The following ARIH1 variants were observed in gnomAD, a reference collection of about 807,000 sequenced individuals.
ARIH1 encodes the protein E3 ubiquitin-protein ligase ARIH1.
In ARIH1, 8 loss-of-function variants were observed where a neutral mutation model predicts 85.0. The observed-to-expected ratio is 0.09, with a 90% CI of 0.06 to 0.17. The LOEUF is 0.17. Ranked by LOEUF, ARIH1 falls within the 10% of genes least tolerant of loss-of-function variation. The pLI, the probability that ARIH1 is intolerant of heterozygous loss-of-function variation, is 1.00. For missense variants in ARIH1, 311 were observed against 718.1 expected (o/e 0.43, Z 6.48); for synonymous variants, 238 against 253.6 (o/e 0.94, Z 0.59).
Position 72,518,108 on chromosome 15 carries a change from T to C in ARIH1, c.417T>C (p.Asn139=), listed in dbSNP as rs1231043724. The C allele has an allele frequency of 2.5e-6, 4 of 1,611,510 alleles. No individual in the cohort carries two copies. The highest frequency in any genetic ancestry group is 4.5e-5 in the East Asian group (2 of 44,816). ...CAAGAATACTCCTTAGCCACTTCAA[T>C]TGGGATAAAGAGAAGCTAATGGAAA... ...TITRILLSHF[N]WDKEKLMERY... Residue 139 remains asparagine, a synonymous_variant, in exon 2 of 14, where the codon AAT becomes AAC. Coordinates refer to ENST00000379887, the MANE Select transcript of ARIH1 (RefSeq NM_005744.5).
At chr15:72,562,486 A>G (rs1404844472) in intron 6 of ARIH1, among the ~76,000 whole-genome samples, 4 of 152,188 alleles carry the variant, frequency 2.6e-5, no homozygotes, top group Non-Finnish European at 4.4e-5. Flanking sequence ...GAAATGGTCA[A>G]TGGACTTCTG....
At chr15:72,511,191 T>TA (rs2063949195) in intron 1 of ARIH1, among the ~76,000 whole-genome samples, 1 of 152,230 alleles carries the variant, frequency 6.6e-6, no homozygotes, top group African/African-American at 2.4e-5. Context: ...CTTCACATAT[T>TA]AAATTTATAC....
chr15:72,542,162 A>C (rs1157788455), intron 2 of ARIH1, among the ~76,000 whole-genome samples: 1 of 152,216 alleles, frequency 6.6e-6, no homozygotes. Flanking sequence ...TAAAGGTGAG[A>C]TCTAAATCAT....
At chr15:72,509,803 T>C (rs2063942073) in intron 1 of ARIH1, among the ~76,000 whole-genome samples, 1 of 152,092 alleles carries the variant, frequency 6.6e-6, no homozygotes, top group Non-Finnish European at 1.5e-5. Flanking sequence ...TTGCCCAGGC[T>C]AGTCTGAAAC....
At chr15:72,577,942 A>G (rs918912454) in intron 11 of ARIH1, among the ~76,000 whole-genome samples, 3 of 152,204 alleles carry the variant, frequency 2.0e-5, no homozygotes, top group Non-Finnish European at 4.4e-5. Context: ...CAGTGCTGGT[A>G]TAATAGAAGG....
intron 3 of ARIH1, among the ~76,000 whole-genome samples, chr15:72,548,309 G>C (rs947387109): frequency 4.6e-5 from 7 of 152,272 alleles, no homozygotes; most frequent in South Asian, 4.1e-4. Context: ...CCAAGGAAGA[G>C]AGAATGTACT....
At chr15:72,512,576 T>C (rs2063955371) in intron 1 of ARIH1, among the ~76,000 whole-genome samples, 2 of 151,464 alleles carry the variant, frequency 1.3e-5, no homozygotes, top group Admixed American at 1.3e-4. Flanking sequence ...CCCTTTCTTC[T>C]GCTTGCTTTG....
chr15:72,521,674 G>C (rs376074041), intron 2 of ARIH1, among the ~76,000 whole-genome samples: 3 of 152,032 alleles, frequency 2.0e-5, no homozygotes, highest in East Asian at 3.9e-4. Flanking sequence ...TTAGCCTCCT[G>C]AGTAGCTGGG....
chr15:72,495,196 C>T (rs911501809), intron 1 of ARIH1, among the ~76,000 whole-genome samples: 4 of 152,042 alleles, frequency 2.6e-5, no homozygotes, highest in Non-Finnish European at 4.4e-5. Context: ...GAAAGTAGAT[C>T]AGTGGTTGTC....
At chr15:72,566,729 C>A in intron 8 of ARIH1, 124 bp downstream of exon 8, 2 of 828,590 alleles carry the variant, frequency 2.4e-6, no homozygotes, top group South Asian at 1.7e-5. Context: ...CTTTTAATTT[C>A]AGATGATCAT....
chr15:72,514,536 C>T (rs985893757), intron 1 of ARIH1, among the ~76,000 whole-genome samples: 9 of 150,156 alleles, frequency 6.0e-5, no homozygotes, highest in African/African-American at 2.0e-4. Flanking sequence ...AAAACCCTGT[C>T]GCTACTGAAA....
chr15:72,538,655 T>G (rs1213534381), intron 2 of ARIH1, among the ~76,000 whole-genome samples: 3 of 152,226 alleles, frequency 2.0e-5, no homozygotes, highest in African/African-American at 7.2e-5. Flanking sequence ...AGGCTGTAAC[T>G]TTCCTGCCTT....
intron 5 of ARIH1, among the ~76,000 whole-genome samples, chr15:72,559,125 T>A (rs557623109): frequency 1.3e-5 from 2 of 152,310 alleles, no homozygotes; most frequent in Admixed American, 6.5e-5. Context: ...AACCCATGTA[T>A]ACAAAAATTT....
chr15:72,513,780 T>C (rs1397161925), intron 1 of ARIH1, among the ~76,000 whole-genome samples: 1 of 5,490 alleles, frequency 1.8e-4, no homozygotes, highest in Non-Finnish European at 1.1e-3. Context: ...CCTCCCCCTC[T>C]CCCTCCCTCC....
chr15:72,475,850 GT>G (rs2063792921), intron 1 of ARIH1, among the ~76,000 whole-genome samples: 1 of 152,138 alleles, frequency 6.6e-6, no homozygotes, highest in Non-Finnish European at 1.5e-5. Flanking sequence ...TTTGTGGTAA[GT>G]TAGGCTTGGT....
At chr15:72,558,880 A>AT (rs1323086241) in intron 5 of ARIH1, among the ~76,000 whole-genome samples, 2 of 152,352 alleles carry the variant, frequency 1.3e-5, no homozygotes, top group Admixed American at 1.3e-4. Context: ...AGGGTTTGTC[A>AT]TACCAGAAAA....
intron 1 of ARIH1, among the ~76,000 whole-genome samples, chr15:72,496,102 G>T (rs2063879112): frequency 2.0e-5 from 3 of 151,976 alleles, no homozygotes. Context: ...TGGAGATGGG[G>T]TCTGTTGCCC....
chr15:72,558,021 A>G (rs895913782), intron 5 of ARIH1, among the ~76,000 whole-genome samples: 2 of 152,092 alleles, frequency 1.3e-5, no homozygotes, highest in African/African-American at 4.8e-5. Context: ...TCTTATTTAG[A>G]TACATTTTAT....
chr15:72,576,505 CAAAAAAAAAAAAA>C (rs35725065), intron 11 of ARIH1, among the ~76,000 whole-genome samples: 4 of 63,276 alleles, frequency 6.3e-5, no homozygotes, highest in Non-Finnish European at 1.0e-4. Flanking sequence ...GACTCTGTCT[CAAAAAAAAAAAAA>C]AAAAAAAAAA....
Sources: gnomAD v4.1 joint callset for allele counts (sites outside exome capture counted in the v4.1 genomes callset) on GRCh38, gnomAD v4.1.1 for gene constraint, MANE v1.5 for transcripts, NCBI Gene and HGNC (gene_info 2026-07-23, HGNC 2026-07-21) for gene names.